Variants in SLC4A10 observed in about 807,000 individuals in gnomAD.
SLC4A10 encodes the protein solute carrier family 4 member 10.
Under a neutral mutation model 137.7 loss-of-function variants are expected in SLC4A10, and 42 were observed. The ratio of observed to expected loss-of-function variants is 0.30; its 90% confidence interval spans 0.24 to 0.39. SLC4A10 has a LOEUF of 0.39. SLC4A10 is among the 10% of genes least tolerant of loss of function. The probability of loss-of-function intolerance (pLI) is 1.00; values close to 1 mark genes in which losing one functional copy is unlikely to be tolerated. For missense variants in SLC4A10, 925 were observed against 1,355.0 expected, an observed-to-expected ratio of 0.68 and a Z score of 4.98; for synonymous variants, 474 against 464.1, an observed-to-expected ratio of 1.02 and a Z score of -0.27.
At chr2:161,672,291 T>C (rs1412824904) in intron 1 of SLC4A10, among the ~76,000 whole-genome samples, 2 of 152,148 alleles carry the variant, frequency 1.3e-5, no homozygotes, top group African/African-American at 2.4e-5. Flanking sequence ...TTCTTCTTCA[T>C]GCATTTTTAC....
At chr2:161,831,775 G>T (rs1367102062) in intron 3 of SLC4A10, among the ~76,000 whole-genome samples, 1 of 152,130 alleles carries the variant, frequency 6.6e-6, no homozygotes, top group Non-Finnish European at 1.5e-5. Context: ...TTAGAGGTAG[G>T]AAGGTGGTGA....
chr2:161,925,439 T>C (rs954527576), intron 15 of SLC4A10, among the ~76,000 whole-genome samples: 5 of 152,234 alleles, frequency 3.3e-5, no homozygotes, highest in African/African-American at 1.2e-4. Context: ...GATTCATCTC[T>C]CTTTTCTTCT....
intron 4 of SLC4A10, among the ~76,000 whole-genome samples, chr2:161,843,386 C>T (rs376960786): frequency 1.2e-4 from 19 of 152,206 alleles, no homozygotes; most frequent in African/African-American, 4.3e-4. Context: ...AAAGATAGTC[C>T]ATTTAATTAT....
At chr2:161,676,627 T>C (rs1041603362) in intron 1 of SLC4A10, among the ~76,000 whole-genome samples, 1 of 152,218 alleles carries the variant, frequency 6.6e-6, no homozygotes, top group Non-Finnish European at 1.5e-5. Flanking sequence ...ATAAACTGGG[T>C]GTAATTATTA....
At chr2:161,682,866 T>C (rs986273926) in intron 1 of SLC4A10, among the ~76,000 whole-genome samples, 7 of 152,124 alleles carry the variant, frequency 4.6e-5, no homozygotes, top group Admixed American at 4.6e-4. Flanking sequence ...ACAAAAGTCA[T>C]AGCTGCTGGG....
chr2:161,704,871 T>C (rs530154988), intron 1 of SLC4A10, among the ~76,000 whole-genome samples: 15 of 151,782 alleles, frequency 9.9e-5, no homozygotes, highest in African/African-American at 3.6e-4. Flanking sequence ...AGCATAAATC[T>C]TAATCTGCCC....
intron 1 of SLC4A10, among the ~76,000 whole-genome samples, chr2:161,752,878 T>C (rs1292131921): frequency 1.3e-5 from 2 of 152,142 alleles, no homozygotes; most frequent in Non-Finnish European, 2.9e-5. Flanking sequence ...ATCTATTGTG[T>C]ACTTGAAAAT....
chr2:161,731,235 C>T (rs1458131314), intron 1 of SLC4A10, among the ~76,000 whole-genome samples: 3 of 152,194 alleles, frequency 2.0e-5, no homozygotes, highest in Non-Finnish European at 4.4e-5. Context: ...TATCTGACTT[C>T]ATGGGTTCAG....
intron 1 of SLC4A10, among the ~76,000 whole-genome samples, chr2:161,627,918 C>T (rs1171626086): frequency 6.6e-6 from 1 of 152,130 alleles, no homozygotes; most frequent in African/African-American, 2.4e-5. Context: ...TGAAACCTCA[C>T]ACTCCAGCTA....
At chr2:161,874,962 G>A (rs1006881119) in intron 8 of SLC4A10, among the ~76,000 whole-genome samples, 4 of 152,214 alleles carry the variant, frequency 2.6e-5, no homozygotes, top group African/African-American at 7.2e-5. Flanking sequence ...GTTATTAGTA[G>A]TAGTAGAGAT....
chr2:161,686,077 T>C (rs2041372905), intron 1 of SLC4A10, among the ~76,000 whole-genome samples: 1 of 152,032 alleles, frequency 6.6e-6, no homozygotes, highest in Admixed American at 6.6e-5. Context: ...AGAAGCTGAG[T>C]TGCTTAAAGT....
chr2:161,664,934 A>G (rs1049157558), intron 1 of SLC4A10, among the ~76,000 whole-genome samples: 1 of 151,840 alleles, frequency 6.6e-6, no homozygotes, highest in African/African-American at 2.4e-5. Context: ...ACATCAAAAA[A>G]TTCTATGTAA....
At chr2:161,930,428 C>G (rs1419233460) in intron 15 of SLC4A10, among the ~76,000 whole-genome samples, 1 of 151,904 alleles carries the variant, frequency 6.6e-6, no homozygotes, top group Non-Finnish European at 1.5e-5. Flanking sequence ...ATCCATGAAA[C>G]TCTAGGAATA....
chr2:161,841,651 T>C (rs2059192003), intron 4 of SLC4A10, among the ~76,000 whole-genome samples: 2 of 152,208 alleles, frequency 1.3e-5, no homozygotes, highest in South Asian at 4.1e-4. Context: ...CAGTGGTCTT[T>C]ACAGCTCTCC....
chr2:161,783,771 G>C (rs2053318501), intron 2 of SLC4A10, among the ~76,000 whole-genome samples: 1 of 151,050 alleles, frequency 6.6e-6, no homozygotes. Context: ...CCTATAGAAA[G>C]GTATCAAAGA....
At chr2:161,885,069 T>C (rs2062139640) in intron 10 of SLC4A10, among the ~76,000 whole-genome samples, 1 of 152,098 alleles carries the variant, frequency 6.6e-6, no homozygotes, top group South Asian at 2.1e-4. Flanking sequence ...TCCCAGCTAC[T>C]TGAGAGGCTG....
At chr2:161,709,734 T>C (rs149251011) in intron 1 of SLC4A10, 1 of 151,780 alleles carries the variant, frequency 6.6e-6, no homozygotes, top group African/African-American at 2.4e-5. Context: ...AAGTTATATA[T>C]AATGCATTTA....
chr2:161,839,764 G>A (rs2059064584), intron 3 of SLC4A10, 25 bp from the exon 4 acceptor site: 3 of 1,612,594 alleles, frequency 1.9e-6, no homozygotes, highest in Non-Finnish European at 2.5e-6. Context: ...CATGTTCATG[G>A]TAATACATGT....
chr2:161,972,668 A>G (rs1559661888), intron 23 of SLC4A10, among the ~76,000 whole-genome samples: 1 of 152,212 alleles, frequency 6.6e-6, no homozygotes, highest in African/African-American at 2.4e-5. Context: ...CATTAGCCTC[A>G]CAGAAAACAA....
Sources: gnomAD v4.1 joint callset for allele counts (sites outside exome capture counted in the v4.1 genomes callset) on GRCh38, gnomAD v4.1.1 for gene constraint, MANE v1.5 for transcripts, NCBI Gene and HGNC (gene_info 2026-07-23, HGNC 2026-07-21) for gene names.